TFDP2: variants seen among roughly 807,000 people sequenced by gnomAD.
TFDP2 encodes the protein transcription factor Dp-2 (E2F dimerization partner 2).
In TFDP2, 17 loss-of-function variants were observed where a neutral mutation model predicts 59.3. That is an observed-to-expected ratio of 0.29 (90% confidence interval 0.20 to 0.43). TFDP2 has a LOEUF of 0.43. TFDP2 is among the 20% of genes least tolerant of loss of function. The probability of loss-of-function intolerance (pLI) is 1.00; values close to 1 mark genes in which losing one functional copy is unlikely to be tolerated. For missense variants in TFDP2, 391 were observed against 528.8 expected, an observed-to-expected ratio of 0.74 and a Z score of 2.56; for synonymous variants, 180 against 194.7, an observed-to-expected ratio of 0.92 and a Z score of 0.63.
intron 3 of TFDP2, among the ~76,000 whole-genome samples, chr3:142,016,382 T>TCC (rs1945138699): frequency 6.7e-6 from 1 of 149,804 alleles, no homozygotes; most frequent in Admixed American, 6.7e-5. Context: ...CACTGCAACC[T>TCC]CCACCTCCTG....
chr3:142,015,647 G>A (rs1283141806), intron 3 of TFDP2, among the ~76,000 whole-genome samples: 1 of 152,150 alleles, frequency 6.6e-6, no homozygotes, highest in Non-Finnish European at 1.5e-5. Flanking sequence ...ATAGGTTCCT[G>A]ACGCAGCTCC....
intron 2 of TFDP2, among the ~76,000 whole-genome samples, chr3:142,096,337 A>C (rs1476505882): frequency 6.6e-6 from 1 of 152,198 alleles, no homozygotes; most frequent in Non-Finnish European, 1.5e-5. Flanking sequence ...AGAGTAGAAA[A>C]AGTTGGCTAG....
At chr3:142,137,019 A>G (rs1319232005) in intron 1 of TFDP2, among the ~76,000 whole-genome samples, 1 of 152,136 alleles carries the variant, frequency 6.6e-6, no homozygotes, top group Non-Finnish European at 1.5e-5. Flanking sequence ...CCTATCCATG[A>G]GCATAGAATG....
chr3:141,963,099 C>G (rs1937541345), intron 10 of TFDP2, among the ~76,000 whole-genome samples: 1 of 152,044 alleles, frequency 6.6e-6, no homozygotes, highest in Non-Finnish European at 1.5e-5. Flanking sequence ...ATAAGCGGTA[C>G]ATGGATCCGT....
intron 3 of TFDP2, among the ~76,000 whole-genome samples, chr3:142,053,029 C>T (rs913758785): frequency 5.9e-5 from 9 of 152,014 alleles, no homozygotes; most frequent in Admixed American, 2.0e-4. Flanking sequence ...AGGATGGTCT[C>T]GATCTCCTGG....
intron 6 of TFDP2, among the ~76,000 whole-genome samples, chr3:141,989,909 ATTG>A (rs1942568914): frequency 6.6e-6 from 1 of 150,888 alleles, no homozygotes; most frequent in African/African-American, 2.4e-5. Flanking sequence ...TATTATTATT[ATTG>A]AGACAGAGTC....
chr3:141,991,437 C>T (rs1559986625), intron 6 of TFDP2, among the ~76,000 whole-genome samples: 1 of 151,994 alleles, frequency 6.6e-6, no homozygotes, highest in Non-Finnish European at 1.5e-5. Context: ...ATAAAATTAA[C>T]CCTTGACCTA....
At chr3:142,130,694 G>C (rs73236018) in intron 1 of TFDP2, among the ~76,000 whole-genome samples, 12,682 of 151,970 alleles carry the variant, frequency 0.083, 697 homozygotes, top group Middle Eastern at 0.14. Context: ...TCTGAAGATG[G>C]ATGGTGGTGA....
At chr3:141,973,123 A>ATATATATATATATATATAT in intron 8 of TFDP2, among the ~76,000 whole-genome samples, 1 of 58,030 alleles carries the variant, frequency 1.7e-5, no homozygotes, top group African/African-American at 6.5e-5. Flanking sequence ...ATATATATAT[A>ATATATATATATATATATAT]TTTTTTTTTT....
At chr3:142,044,196 C>A in intron 3 of TFDP2, 1 of 388,118 alleles carries the variant, frequency 2.6e-6, no homozygotes, top group South Asian at 3.4e-5. Flanking sequence ...TGAGCATACT[C>A]ATGGCTGCGG....
intron 3 of TFDP2, among the ~76,000 whole-genome samples, chr3:142,009,062 T>C (rs1944437785): frequency 6.6e-6 from 1 of 152,188 alleles, no homozygotes; most frequent in East Asian, 1.9e-4. Context: ...ATTCCTCTTC[T>C]GGCTTCTCAT....
rs185742102 is a variant in TFDP2 at position 142,026,245 on chromosome 3, C to T, written c.83-20701G>A. ...TGGTGGACGCCTGTAGTCCCAGCTA[C>T]TGGGGAGGCTGAGGCAGGTGAATGG... On this transcript the variant is annotated intron_variant, in intron 3 of 12. Coordinates refer to ENST00000489671, the MANE Select transcript of TFDP2 (RefSeq NM_001178139.2). Among the ~76,000 whole-genome samples, 32 of 152,082 alleles carry T rather than the reference C, an allele frequency of 2.1e-4. No homozygotes were observed. In the East Asian group the frequency reaches 5.6e-3, roughly 27 times the overall value.
chr3:141,988,669 C>CT (rs540352017), intron 6 of TFDP2, among the ~76,000 whole-genome samples: 56,956 of 125,570 alleles, frequency 0.45, 13,508 homozygotes, highest in East Asian at 0.65. Flanking sequence ...CTTTTCTTTT[C>CT]TTTTTTTTTT....
rs935131016 is a variant in TFDP2, at chr3:141,944,591, G to C, written c.*7922C>G. 1 of 152,066 alleles carries C rather than the reference G, an allele frequency of 6.6e-6. No individual in the cohort carries two copies. Among genetic ancestry groups the C allele is most frequent in the Admixed American group, 6.6e-5 (1 of 15,250 alleles). 9.4% of individuals were successfully genotyped at this position (152,066 alleles called of 1,614,324 possible). A position where few individuals can be genotyped will look rare whatever the true frequency, so the allele number is the denominator to read the frequency against. On this transcript the variant is annotated 3_prime_UTR_variant, in exon 13 of 13. Coordinates refer to ENST00000489671, the MANE Select transcript of TFDP2 (RefSeq NM_001178139.2). Reference sequence around the variant, plus strand: ...ACACTTTAATGGACAAAAAACACCAGAGTTCATTACAAATACAGCTTCCCA... The same window carrying C: ...ACACTTTAATGGACAAAAAACACCACAGTTCATTACAAATACAGCTTCCCA...
chr3:141,965,371 C>T (rs984378327), intron 9 of TFDP2, among the ~76,000 whole-genome samples: 2 of 151,642 alleles, frequency 1.3e-5, no homozygotes, highest in Non-Finnish European at 2.9e-5. Flanking sequence ...GTAGCTCACA[C>T]CTGTAATCTC....
At chr3:142,099,834 T>G (rs749062952) in intron 2 of TFDP2, among the ~76,000 whole-genome samples, 93 of 152,310 alleles carry the variant, frequency 6.1e-4, no homozygotes, top group South Asian at 1.2e-3. Flanking sequence ...AACTTTAGTA[T>G]GTTCAAAACA....
intron 3 of TFDP2, chr3:142,028,483 G>T: frequency 1.2e-6 from 1 of 854,770 alleles, no homozygotes; most frequent in Non-Finnish European, 1.4e-6. Context: ...CGTGCTCCTG[G>T]CTATTTATCA....
chr3:141,948,571 C>T lies in TFDP2; in HGVS notation c.*3942G>A, dbSNP rs1935519865. On this transcript the variant is annotated 3_prime_UTR_variant, in exon 13 of 13. Coordinates refer to ENST00000489671, the MANE Select transcript of TFDP2 (RefSeq NM_001178139.2). The stretch of plus-strand genomic sequence containing the variant: ...AAAAAAAAAAGCTAAATAGGCTCCC[C>T]ACCGTGCCCCCCTCTCTCAGTGTGG... The T allele has an allele frequency of 6.6e-6, 1 of 152,652 alleles. No individual in the cohort carries two copies. The highest frequency in any genetic ancestry group is 1.5e-5 in the Non-Finnish European group (1 of 68,746). 9.5% of individuals were successfully genotyped at this position (152,652 alleles called of 1,614,324 possible).
At chr3:141,995,409 T>C (rs879428439) in intron 4 of TFDP2, among the ~76,000 whole-genome samples, 2 of 152,184 alleles carry the variant, frequency 1.3e-5, no homozygotes, top group Non-Finnish European at 2.9e-5. Flanking sequence ...AGAGAACTGA[T>C]AATGCTTTAA....
Sources: gnomAD v4.1 joint callset for allele counts (sites outside exome capture counted in the v4.1 genomes callset) on GRCh38, gnomAD v4.1.1 for gene constraint, MANE v1.5 for transcripts, NCBI Gene and HGNC (gene_info 2026-07-23, HGNC 2026-07-21) for gene names.